Variants in CTSF observed in about 807,000 individuals in gnomAD.
The protein encoded by CTSF is cathepsin F.
A neutral mutation model predicts 63.5 loss-of-function variants in CTSF; 65 were observed. The observed-to-expected ratio is 1.02, with a 90% CI of 0.84 to 1.26. The LOEUF (loss-of-function observed/expected upper bound fraction) is 1.26. Among genes scored for constraint, CTSF ranks in the 50% most tolerant of loss-of-function variants. The pLI, the probability that CTSF is intolerant of heterozygous loss-of-function variation, is 0.00. For synonymous variants in CTSF, 256 were observed against 258.1 expected (o/e 0.99, Z 0.08); for missense variants, 641 against 631.0 (o/e 1.02, Z -0.17).
At position 66,567,315 on chromosome 11, in the gene CTSF, G is replaced by T; in HGVS notation, c.538C>A (p.Pro180Thr). The T allele has an allele frequency of 6.2e-7, 1 of 1,614,182 alleles. No individual in the cohort carries two copies. Among genetic ancestry groups the T allele is most frequent in the East Asian group, 2.2e-5 (1 of 44,884 alleles). ...LNEDPLSQDLPVKMASIFKNF... is the reference protein window; with the variant it reads ...LNEDPLSQDLTVKMASIFKNF... ...TTGAAGATTGAAGCCATCTTCACAG[G>T]CAAGTCCTGGATAGGCAGACCAGTC... The change falls in exon 4 of 13, where the codon CCT becomes ACT. Residue 180 changes from proline to threonine, a missense_variant. By Grantham distance (38) the Pro-to-Thr change is conservative. Transcript: ENST00000310325.
In CTSF at chr11:66,563,913, C is replaced by T. The variant is rs376452677; in HGVS notation, c.*20G>A. On this transcript the variant is annotated 3_prime_UTR_variant, in exon 13 of 13. Transcript: ENST00000310325. ...GCAGCCACTCTGATCAGCACCAGGTCCCGAGCTGGGGGCCCCTCTTCAGTC... is the reference window on the plus strand; with the variant it reads ...GCAGCCACTCTGATCAGCACCAGGTTCCGAGCTGGGGGCCCCTCTTCAGTC... The T allele has an allele frequency of 2.5e-6, 4 of 1,611,588 alleles. No homozygotes were observed. In the African/African-American group the frequency reaches 4.0e-5, roughly 16 times the overall value.
Position 66,568,383 on chromosome 11 carries a change from G to T in CTSF, c.104C>A (p.Pro35Gln), listed in dbSNP as rs1475813041. The T allele has an allele frequency of 2.3e-6, 3 of 1,307,666 alleles. No individual in the cohort carries two copies. The highest frequency in any genetic ancestry group is 2.4e-5 in the South Asian group (1 of 41,438). 81.0% of individuals were successfully genotyped at this position (1,307,666 alleles called of 1,614,324 possible). A position where few individuals can be genotyped will look rare whatever the true frequency, so the allele number is the denominator to read the frequency against. The change falls in exon 1 of 13, where the codon CCG (proline) becomes CAG (glutamine). Residue 35 changes from proline (P) to glutamine (Q), a missense_variant. Coordinates refer to ENST00000310325, the MANE Select transcript of CTSF (RefSeq NM_003793.4). The stretch of plus-strand genomic sequence containing the variant: ...GGTGGGCGCCAGCAGCTCCGGGGAC[G>T]GCGGCCCCCAGGCCTGAAAGCTGGC... ...RAASFQAWGP[P>Q]SPELLAPTRF...
chr11:66,567,134 C>T, intron 4 of CTSF, 112 bp downstream of exon 4: 3 of 1,107,758 alleles, frequency 2.7e-6, no homozygotes, highest in Non-Finnish European at 2.7e-6. Flanking sequence ...ATTATGGGGT[C>T]CTTGAACAGG....
At position 66,565,757 on chromosome 11, in the gene CTSF, AGACAGAAG is replaced by A. The variant is rs754420487; in HGVS notation, c.965-14_965-7del. On this transcript the variant is annotated splice_polypyrimidine_tract_variant and splice_region_variant and intron_variant, in intron 7 of 12. Coordinates refer to ENST00000310325, the MANE Select transcript of CTSF (RefSeq NM_003793.4). ...CTTGTCACAGTCCAAGAGCTCTAGG[AGACAGAAG>A]GCTGGTCCCAAGAAGCCCTCCTGAG... 2 of 1,613,802 alleles carry A rather than the reference AGACAGAAG, an allele frequency of 1.2e-6. No homozygotes were observed. The highest frequency in any genetic ancestry group is 2.7e-5 in the African/African-American group (2 of 74,942).
intron 4 of CTSF, 123 bp from the exon 5 acceptor site, chr11:66,566,527 T>C (rs1339299287): frequency 2.5e-6 from 2 of 809,968 alleles, no homozygotes; most frequent in Admixed American, 2.2e-5. Flanking sequence ...GACATGCAAG[T>C]GATGGAGTGG....
chr11:66,568,359 G>A lies in CTSF; in HGVS notation c.128C>T (p.Thr43Ile), dbSNP rs779848120. ...GPPSPELLAP[T>I]RFALEMFNRG... ...GTTGAACATCTCCAGCGCGAAGCGG[G>A]TGGGCGCCAGCAGCTCCGGGGACGG... The change falls in exon 1 of 13, where the codon ACC becomes ATC. Residue 43 changes from threonine (T) to isoleucine (I), a missense_variant. Physicochemically the swap from Thr to Ile is moderately conservative, Grantham distance 89. Coordinates refer to ENST00000310325, the MANE Select transcript of CTSF (RefSeq NM_003793.4). 2.4e-5 allele frequency: 32 copies of A among 1,306,124 alleles called. No individual in the cohort carries two copies. Among genetic ancestry groups the A allele is most frequent in the Non-Finnish European group, 2.7e-5 (28 of 1,036,306 alleles). The allele number at this position is 1,306,124 out of a possible 1,614,324, so 80.9% of individuals were successfully genotyped here.
At chr11:66,567,952 G>T in intron 2 of CTSF, 32 bp downstream of exon 2, 1 of 1,566,808 alleles carries the variant, frequency 6.4e-7, no homozygotes, top group Non-Finnish European at 8.6e-7. Context: ...CTCGGCCTCG[G>T]GGCGGGGAAC....
intron 5 of CTSF, 35 bp from the exon 6 acceptor site, chr11:66,566,202 G>A: frequency 6.2e-7 from 1 of 1,613,906 alleles, no homozygotes; most frequent in Non-Finnish European, 8.5e-7. Flanking sequence ...TGGGGAGGAA[G>A]AGTGTTCTAA....
intron 5 of CTSF, 58 bp downstream of exon 5, chr11:66,566,233 T>G: frequency 6.2e-7 from 1 of 1,613,820 alleles, no homozygotes; most frequent in Non-Finnish European, 8.5e-7. Flanking sequence ...ACCAGAGGCC[T>G]TGCGAGCAAG....
intron 8 of CTSF, 151 bp downstream of exon 8, chr11:66,565,520 G>A (rs1439072374): frequency 1.8e-6 from 2 of 1,113,746 alleles, no homozygotes; most frequent in Non-Finnish European, 2.6e-6. Flanking sequence ...GGAATTACAG[G>A]CATGAGCCAC....
In CTSF at chr11:66,563,829, T is replaced by C. The variant is rs1857862027; in HGVS notation, c.*104A>G. 2 of 1,441,242 alleles carry C rather than the reference T, an allele frequency of 1.4e-6. No individual in the cohort carries two copies. Among genetic ancestry groups the C allele is most frequent in the Non-Finnish European group, 1.9e-6 (2 of 1,052,826 alleles). 89.3% of individuals were successfully genotyped at this position (1,441,242 alleles called of 1,614,324 possible). ...TGCTCACCCTGAGGTACCCAGTGCC[T>C]TTCCCTCTGCCAGCTGTACCTCCCG... On this transcript the variant is annotated 3_prime_UTR_variant, in exon 13 of 13. Coordinates refer to ENST00000310325, the MANE Select transcript of CTSF (RefSeq NM_003793.4).
Position 66,563,710 on chromosome 11 carries a change from A to G in CTSF, c.*223T>C. 1 of 611,994 alleles carries G rather than the reference A, an allele frequency of 1.6e-6. No individual in the cohort carries two copies. Among genetic ancestry groups the G allele is most frequent in the Non-Finnish European group, 2.9e-6 (1 of 349,016 alleles). The allele number at this position is 611,994 out of a possible 1,614,324, so 37.9% of individuals were successfully genotyped here. ...CCACCCTTCACCCCGACATCCTCCT[A>G]AGCTACCACAATTCAACAAAGGTGC... On this transcript the variant is annotated 3_prime_UTR_variant, in exon 13 of 13. Transcript: ENST00000310325.
At chr11:66,566,492 G>T in intron 4 of CTSF, 88 bp from the exon 5 acceptor site, 9 of 1,257,666 alleles carry the variant, frequency 7.2e-6, no homozygotes, top group South Asian at 1.3e-5. Context: ...GGGTTTCCCC[G>T]GGGAGCAGGT....
chr11:66,565,481 A>C (rs1857908078), intron 8 of CTSF, among the ~76,000 whole-genome samples, 190 bp downstream of exon 8: 1 of 152,028 alleles, frequency 6.6e-6, no homozygotes, highest in African/African-American at 2.4e-5. Flanking sequence ...GCCTTAAGTG[A>C]TCTTCCCAAG....
chr11:66,565,109 A>G lies in CTSF; in HGVS notation c.1046-103T>C. The G allele has an allele frequency of 2.0e-6, 3 of 1,485,736 alleles. No homozygotes were observed. In the South Asian group the frequency reaches 4.2e-5, roughly 21 times the overall value. The allele number at this position is 1,485,736 out of a possible 1,614,324, so 92.0% of individuals were successfully genotyped here. ...ACGCGAGGTTTCACATTCCTCGTCCACCCCAGGCCACAGGCCATCCCCTCT... is the reference window on the plus strand; with the variant it reads ...ACGCGAGGTTTCACATTCCTCGTCCGCCCCAGGCCACAGGCCATCCCCTCT... On this transcript the variant is annotated intron_variant, in intron 8 of 12. Coordinates refer to ENST00000310325, the MANE Select transcript of CTSF (RefSeq NM_003793.4).
At chr11:66,568,209 T>C (rs1455574994) in intron 1 of CTSF, 65 bp downstream of exon 1, 13 of 1,522,240 alleles carry the variant, frequency 8.5e-6, no homozygotes, top group East Asian at 2.5e-5. Flanking sequence ...CCCATCCCAA[T>C]GTTAGGTCAA....
In CTSF at chr11:66,565,018, T is replaced by C. The variant is rs762082071; in HGVS notation, c.1046-12A>G. The stretch of plus-strand genomic sequence containing the variant: ...TGTCTCCAGCCCTCCTGGGGAACGG[T>C]GGGGGTGAGTAGAGAAGGGCAGGCT... On this transcript the variant is annotated splice_polypyrimidine_tract_variant and intron_variant, in intron 8 of 12. Coordinates refer to ENST00000310325, the MANE Select transcript of CTSF (RefSeq NM_003793.4). 1 of 1,546,400 alleles carries C rather than the reference T, an allele frequency of 6.5e-7. No individual in the cohort carries two copies. Among genetic ancestry groups the C allele is most frequent in the Non-Finnish European group, 8.7e-7 (1 of 1,143,692 alleles).
At chr11:66,564,684 G>A (rs774192403) in intron 10 of CTSF, 36 bp from the exon 11 acceptor site, 1 of 1,612,902 alleles carries the variant, frequency 6.2e-7, no homozygotes, top group Non-Finnish European at 8.5e-7. Context: ...TCGACTCCAA[G>A]AAGAGGTCGG....
intron 8 of CTSF, 67 bp from the exon 9 acceptor site, chr11:66,565,073 C>A: frequency 6.6e-7 from 1 of 1,512,384 alleles, no homozygotes; most frequent in South Asian, 1.3e-5. Flanking sequence ...CAGAAATGAA[C>A]TAAGCCCTCT....
Sources: gnomAD v4.1 joint callset for allele counts (sites outside exome capture counted in the v4.1 genomes callset) on GRCh38, gnomAD v4.1.1 for gene constraint, MANE v1.5 for transcripts, NCBI Gene and HGNC (gene_info 2026-07-23, HGNC 2026-07-21) for gene names.